SLC35F4: variants seen among roughly 807,000 people sequenced by gnomAD.
SLC35F4 encodes the protein chromosome 14 open reading frame 36.
Under a neutral mutation model 44.2 loss-of-function variants are expected in SLC35F4, and 24 were observed. That is an observed-to-expected ratio of 0.54 (90% CI 0.39 to 0.76). The LOEUF is 0.76. Ranked by LOEUF, SLC35F4 falls within the 30% of genes least tolerant of loss-of-function variation. The probability of loss-of-function intolerance (pLI) is 0.00; values close to 1 mark genes in which losing one functional copy is unlikely to be tolerated. For missense variants in SLC35F4, 562 were observed against 586.1 expected, an observed-to-expected ratio of 0.96 and a Z score of 0.42; for synonymous variants, 238 against 223.6, an observed-to-expected ratio of 1.06 and a Z score of -0.57.
chr14:57,644,043 GT>G (rs2073375609), intron 1 of SLC35F4, among the ~76,000 whole-genome samples: 4 of 152,160 alleles, frequency 2.6e-5, no homozygotes, highest in Non-Finnish European at 2.9e-5. Context: ...TTGGTTCCAA[GT>G]CTTTGCTATT....
chr14:57,865,654 T>C, intron 1 of SLC35F4, 69 bp downstream of exon 1: 2 of 1,334,494 alleles, frequency 1.5e-6, no homozygotes, highest in Non-Finnish European at 2.0e-6. Flanking sequence ...CCCGTCCGCA[T>C]CCCCGCGGCA....
At position 57,582,406 on chromosome 14, in the gene SLC35F4, T is replaced by TG. The variant is rs2069350360; in HGVS notation, c.588-974dup. 3.3e-5 allele frequency among the ~76,000 whole-genome samples: 5 copies of TG among 152,268 alleles called. No homozygotes were observed. The South Asian group carries it at 1.0e-3, about 32-fold the overall frequency. ...AGAGACAGACAGGATTTCACTCTGT[T>TG]GCCTAGGCTGGTCTCAAACTCTTAA... On this transcript the variant is annotated intron_variant, in intron 3 of 7. Transcript: ENST00000556826.
At chr14:57,703,090 G>C (rs957619475) in intron 1 of SLC35F4, among the ~76,000 whole-genome samples, 3 of 152,098 alleles carry the variant, frequency 2.0e-5, no homozygotes, top group Non-Finnish European at 4.4e-5. Flanking sequence ...AGAATAATAG[G>C]AAACTAGAAC....
intron 1 of SLC35F4, among the ~76,000 whole-genome samples, chr14:57,709,339 C>T (rs1300629797): frequency 6.6e-6 from 1 of 152,152 alleles, no homozygotes; most frequent in South Asian, 2.1e-4. Flanking sequence ...ACAGAAGGCT[C>T]GCACTCTTGT....
intron 1 of SLC35F4, among the ~76,000 whole-genome samples, chr14:57,903,850 G>A (rs1026677469): frequency 1.3e-5 from 2 of 152,104 alleles, no homozygotes; most frequent in Non-Finnish European, 2.9e-5. Flanking sequence ...ATTTCCACAG[G>A]CCTTCTTATG....
chr14:57,610,389 T>A (rs146105893), intron 1 of SLC35F4, among the ~76,000 whole-genome samples: 24 of 152,232 alleles, frequency 1.6e-4, no homozygotes, highest in African/African-American at 5.5e-4. Flanking sequence ...CTTGGGAAAC[T>A]GGTCAAGACC....
intron 1 of SLC35F4, among the ~76,000 whole-genome samples, chr14:57,944,686 G>GA (rs762559422): frequency 4.4e-5 from 4 of 91,094 alleles, no homozygotes; most frequent in East Asian, 5.7e-4. Flanking sequence ...AAAAAGAAAA[G>GA]AAAGAAAGAA....
At chr14:57,705,039 A>G (rs2075634795) in intron 1 of SLC35F4, among the ~76,000 whole-genome samples, 1 of 152,188 alleles carries the variant, frequency 6.6e-6, no homozygotes, top group Non-Finnish European at 1.5e-5. Context: ...ATAAAGAATA[A>G]TGTATAGTTC....
chr14:57,916,699 GT>G (rs1350414509), intron 1 of SLC35F4, among the ~76,000 whole-genome samples: 2 of 151,976 alleles, frequency 1.3e-5, no homozygotes, highest in East Asian at 1.9e-4. Flanking sequence ...TTAATTTTCA[GT>G]TTTGGAATTG....
At chr14:57,905,218 G>T (rs1345411393) in intron 1 of SLC35F4, among the ~76,000 whole-genome samples, 1 of 152,188 alleles carries the variant, frequency 6.6e-6, no homozygotes, top group African/African-American at 2.4e-5. Context: ...GCTGTCGGCA[G>T]CAGGCCTCAG....
chr14:57,917,475 G>A (rs576583908), intron 1 of SLC35F4, among the ~76,000 whole-genome samples: 6 of 151,930 alleles, frequency 3.9e-5, no homozygotes, highest in African/African-American at 1.2e-4. Flanking sequence ...CAACATTTCT[G>A]CCATATCTGA....
intron 1 of SLC35F4, among the ~76,000 whole-genome samples, chr14:57,721,116 G>A (rs1594882250): frequency 6.6e-6 from 1 of 150,442 alleles, no homozygotes; most frequent in African/African-American, 2.4e-5. Context: ...AGTGGCTCCA[G>A]AGGAACAGAA....
At chr14:57,640,105 C>G (rs1486430086) in intron 1 of SLC35F4, among the ~76,000 whole-genome samples, 2 of 152,024 alleles carry the variant, frequency 1.3e-5, no homozygotes, top group East Asian at 3.9e-4. Flanking sequence ...TCTAGAAAGG[C>G]AGGCACAAGA....
At chr14:57,715,075 G>A (rs1428463851) in intron 1 of SLC35F4, among the ~76,000 whole-genome samples, 1 of 152,086 alleles carries the variant, frequency 6.6e-6, no homozygotes, top group Non-Finnish European at 1.5e-5. Flanking sequence ...AGGAAAGAGA[G>A]GCGAGTAAAG....
chr14:57,980,496 C>T lies in SLC35F4; in HGVS notation n.151+1417G>A, dbSNP rs188096807. ...AGCTTCTCTGCCAGGTATTATAAAGCTTGAACTCCAGCCCCAGCAAGAAGC... is the reference window on the plus strand; with the variant it reads ...AGCTTCTCTGCCAGGTATTATAAAGTTTGAACTCCAGCCCCAGCAAGAAGC... On this transcript the variant is annotated intron_variant and non_coding_transcript_variant, in intron 1 of 1. Coordinates refer to the SLC35F4 transcript ENST00000554648. 1.8e-3 allele frequency among the ~76,000 whole-genome samples: 279 copies of T among 152,222 alleles called. 1 individual carries two copies. Among genetic ancestry groups the T allele is most frequent in the Non-Finnish European group, 2.6e-3 (178 of 68,032 alleles).
At chr14:57,709,573 C>T (rs911865071) in intron 1 of SLC35F4, among the ~76,000 whole-genome samples, 10 of 152,084 alleles carry the variant, frequency 6.6e-5, no homozygotes, top group Non-Finnish European at 1.0e-4. Context: ...CTCATGCCCT[C>T]GGTCTCTTGC....
chr14:57,678,939 ACCC>A (rs2074796966), intron 1 of SLC35F4, among the ~76,000 whole-genome samples: 6 of 152,118 alleles, frequency 3.9e-5, no homozygotes, highest in African/African-American at 1.4e-4. Context: ...AGACTTTAAC[ACCC>A]CACTGTCAAT....
intron 1 of SLC35F4, among the ~76,000 whole-genome samples, chr14:57,887,170 A>T (rs1427656756): frequency 6.6e-6 from 1 of 152,170 alleles, no homozygotes; most frequent in Non-Finnish European, 1.5e-5. Context: ...ACATGAAGGG[A>T]GGCCCACAGT....
chr14:57,593,372 C>CA (rs1162239851), intron 2 of SLC35F4, among the ~76,000 whole-genome samples: 3 of 152,180 alleles, frequency 2.0e-5, no homozygotes, highest in Non-Finnish European at 2.9e-5. Context: ...CTAGCAATTC[C>CA]AGTCAGTAAC....
Sources: allele counts gnomAD v4.1 joint callset (sites outside exome capture counted in the v4.1 genomes callset), GRCh38; gene constraint gnomAD v4.1.1; transcripts MANE v1.5; gene names NCBI Gene and HGNC (gene_info 2026-07-23, HGNC 2026-07-21).